GABPB2: variants seen among roughly 807,000 people sequenced by gnomAD.
The protein encoded by GABPB2 is GA binding protein transcription factor subunit beta 2.
Under a neutral mutation model 39.1 loss-of-function variants are expected in GABPB2, and 23 were observed. The ratio of observed to expected loss-of-function variants is 0.59; its 90% confidence interval spans 0.42 to 0.83. GABPB2 has a LOEUF of 0.83. Ranked by LOEUF, GABPB2 falls within the 40% of genes least tolerant of loss-of-function variation. The pLI is 0.00. For synonymous variants in GABPB2, 184 were observed against 199.3 expected (o/e 0.92, Z 0.65); for missense variants, 467 against 541.1 (o/e 0.86, Z 1.36).
chr1:151,103,674 A>G lies in GABPB2; in HGVS notation c.735A>G (p.Thr245=). Residue 245 remains threonine, a splice_region_variant and synonymous_variant, in exon 6 of 9, where the codon ACA becomes ACG. Transcript: ENST00000368918. Reference sequence around the variant, plus strand: ...CCCTCTCCAACTCACACAGAGCCACAGGTAGGTAAGGGATATGCTGCTGGG... The same window carrying G: ...CCCTCTCCAACTCACACAGAGCCACGGGTAGGTAAGGGATATGCTGCTGGG... The part of the protein sequence containing the change: ...SVPLSNSHRA[T]ANTEEIIEGN... 1 of 1,598,172 alleles carries G rather than the reference A, an allele frequency of 6.3e-7. No homozygotes were observed. Among genetic ancestry groups the G allele is most frequent in the Non-Finnish European group, 8.6e-7 (1 of 1,165,410 alleles).
intron 1 of GABPB2, among the ~76,000 whole-genome samples, chr1:151,086,673 T>A (rs1197946245): frequency 1.3e-4 from 2 of 15,772 alleles, no homozygotes; most frequent in African/African-American, 2.0e-4. Context: ...GTTCTTAATT[T>A]TTTTTTTTTT....
At chr1:151,104,520 G>A (rs1263416948) in intron 6 of GABPB2, among the ~76,000 whole-genome samples, 1 of 152,186 alleles carries the variant, frequency 6.6e-6, no homozygotes, top group Non-Finnish European at 1.5e-5. Flanking sequence ...TATTAAACTT[G>A]TCCTTGCTAT....
intron 7 of GABPB2, 64 bp from the exon 8 acceptor site, chr1:151,117,328 C>T: frequency 2.6e-6 from 4 of 1,539,052 alleles, no homozygotes; most frequent in Non-Finnish European, 3.5e-6. Flanking sequence ...TAATTAAAAG[C>T]AAGCAAAACC....
Position 151,119,012 on chromosome 1 carries a change from T to C in GABPB2, c.*756T>C, listed in dbSNP as rs1681075504. On this transcript the variant is annotated 3_prime_UTR_variant, in exon 9 of 9. Coordinates refer to ENST00000368918, the MANE Select transcript of GABPB2 (RefSeq NM_144618.3). ...TATGTGTCTATAGTTCAGATGCTTG[T>C]GTAAGAAACTGAAATAAGCTGCGTG... 6.6e-6 allele frequency: 1 copy of C among 152,186 alleles called. No homozygotes were observed. The highest frequency in any genetic ancestry group is 2.4e-5 in the African/African-American group (1 of 41,430). 9.4% of individuals were successfully genotyped at this position (152,186 alleles called of 1,614,324 possible). A position where few individuals can be genotyped will look rare whatever the true frequency, so the allele number is the denominator to read the frequency against.
chr1:151,071,040 G>C (rs1013325338), intron 1 of GABPB2, 106 bp downstream of exon 1: 5 of 152,262 alleles, frequency 3.3e-5, no homozygotes, highest in Non-Finnish European at 7.3e-5. Flanking sequence ...GGACTTCTGG[G>C]TGCAGACCTC....
At chr1:151,085,491 A>G (rs887583355) in intron 1 of GABPB2, among the ~76,000 whole-genome samples, 3 of 152,044 alleles carry the variant, frequency 2.0e-5, no homozygotes, top group Non-Finnish European at 4.4e-5. Flanking sequence ...CCCAGGCTGG[A>G]GTGCGGTGGC....
intron 1 of GABPB2, among the ~76,000 whole-genome samples, chr1:151,077,356 GTTT>G (rs35650542): frequency 9.0e-6 from 1 of 110,622 alleles, no homozygotes; most frequent in African/African-American, 3.4e-5. Context: ...CAACTCATAG[GTTT>G]TTTTTTTTTT....
chr1:151,096,581 G>A (rs1369885245), intron 4 of GABPB2, among the ~76,000 whole-genome samples: 1 of 152,086 alleles, frequency 6.6e-6, no homozygotes, highest in Non-Finnish European at 1.5e-5. Context: ...ACTTTTTAAA[G>A]TAGTGATTAT....
intron 8 of GABPB2, 57 bp downstream of exon 8, chr1:151,117,573 C>T: frequency 6.4e-7 from 1 of 1,552,436 alleles, no homozygotes; most frequent in Non-Finnish European, 8.8e-7. Context: ...AAGGCCTGAA[C>T]CCTTCTTCAT....
intron 6 of GABPB2, 80 bp from the exon 7 acceptor site, chr1:151,106,957 C>A: frequency 1.2e-6 from 1 of 862,940 alleles, no homozygotes; most frequent in South Asian, 2.4e-5. Context: ...TGAATGTTGT[C>A]AGGTTCAAGG....
In GABPB2 at chr1:151,094,998, GGATTCCAT is replaced by G. The variant is rs1679000702; in HGVS notation, c.471+1613_471+1620del. ...GCACTTGAGCCTGGGTGACACAGCA[GGATTCCAT>G]CTCAAAAAAAAAAAAAAATTAATAG... On this transcript the variant is annotated intron_variant, in intron 4 of 8. Coordinates refer to ENST00000368918, the MANE Select transcript of GABPB2 (RefSeq NM_144618.3). 6.7e-5 allele frequency among the ~76,000 whole-genome samples: 8 copies of G among 119,516 alleles called. No individual in the cohort carries two copies. In the Admixed American group the frequency reaches 7.0e-4, roughly 10 times the overall value. 78.4% of individuals were successfully genotyped at this position (119,516 alleles called of 152,430 possible).
chr1:151,104,556 G>A (rs1679782122), intron 6 of GABPB2, among the ~76,000 whole-genome samples: 1 of 152,122 alleles, frequency 6.6e-6, no homozygotes, highest in Non-Finnish European at 1.5e-5. Flanking sequence ...TTTGATCTTG[G>A]ATAAATCACT....
intron 4 of GABPB2, among the ~76,000 whole-genome samples, chr1:151,093,595 T>C (rs189137274): frequency 1.0e-4 from 15 of 148,282 alleles, no homozygotes; most frequent in Non-Finnish European, 1.6e-4. Context: ...CGCATATATA[T>C]TTTTTATATT....
chr1:151,094,835 C>T (rs891399955), intron 4 of GABPB2, among the ~76,000 whole-genome samples: 3 of 150,610 alleles, frequency 2.0e-5, no homozygotes, highest in South Asian at 2.1e-4. Flanking sequence ...GGTGAAATCC[C>T]GTCTCTACTA....
At chr1:151,087,184 G>T (rs1571913620) in intron 1 of GABPB2, among the ~76,000 whole-genome samples, 1 of 148,296 alleles carries the variant, frequency 6.7e-6, no homozygotes, top group East Asian at 2.0e-4. Flanking sequence ...AGACGGTTTC[G>T]CCATTTTGCC....
chr1:151,075,067 T>C (rs904109493), intron 1 of GABPB2, among the ~76,000 whole-genome samples: 5 of 149,874 alleles, frequency 3.3e-5, no homozygotes, highest in African/African-American at 1.2e-4. Context: ...GCTTGAGCAT[T>C]AGAGGCAGAG....
chr1:151,108,003 A>G (rs1571972722), intron 7 of GABPB2, among the ~76,000 whole-genome samples: 1 of 152,188 alleles, frequency 6.6e-6, no homozygotes, highest in African/African-American at 2.4e-5. Context: ...GAGAAGTGCA[A>G]ATACTGTACT....
chr1:151,113,738 G>A (rs1008377939), intron 7 of GABPB2, among the ~76,000 whole-genome samples: 1 of 151,690 alleles, frequency 6.6e-6, no homozygotes, highest in Non-Finnish European at 1.5e-5. Context: ...AGCTGGTCTC[G>A]AACTCCTGAC....
intron 3 of GABPB2, among the ~76,000 whole-genome samples, chr1:151,091,620 G>A (rs587602745): frequency 3.2e-4 from 48 of 150,794 alleles, no homozygotes; most frequent in Non-Finnish European, 5.9e-4. Flanking sequence ...GATTACAGGC[G>A]CCCACCACCA....
Sources: gnomAD v4.1 joint callset for allele counts (sites outside exome capture counted in the v4.1 genomes callset) on GRCh38, gnomAD v4.1.1 for gene constraint, MANE v1.5 for transcripts, NCBI Gene and HGNC (gene_info 2026-07-23, HGNC 2026-07-21) for gene names.